Variants in VRK2 observed in about 807,000 individuals in gnomAD.
VRK2 encodes the protein VRK serine/threonine kinase 2.
Under a neutral mutation model 57.6 loss-of-function variants are expected in VRK2, and 60 were observed. The ratio of observed to expected loss-of-function variants is 1.04; its 90% CI spans 0.85 to 1.29. The LOEUF (loss-of-function observed/expected upper bound fraction) is 1.29. Among genes scored for constraint, VRK2 ranks in the 50% most tolerant of loss-of-function variants. VRK2 has a pLI of 0.00. For missense variants in VRK2, 705 were observed against 588.1 expected, an observed-to-expected ratio of 1.20 and a Z score of -2.06; for synonymous variants, 231 against 199.2, an observed-to-expected ratio of 1.16 and a Z score of -1.35.
intron 1 of VRK2, among the ~76,000 whole-genome samples, chr2:57,928,189 C>T (rs763631778): frequency 6.6e-6 from 1 of 152,066 alleles, no homozygotes; most frequent in Non-Finnish European, 1.5e-5. Context: ...ATCTGGCAAA[C>T]CTTGTAAATA....
intron 12 of VRK2, among the ~76,000 whole-genome samples, chr2:58,153,166 G>T (rs12475192): frequency 0.066 from 10,040 of 152,022 alleles, 422 homozygotes; most frequent in Non-Finnish European, 0.082. Context: ...TATGTAACTT[G>T]TTGAGAATGG....
At chr2:57,968,196 A>C (rs1036586248) in intron 1 of VRK2, among the ~76,000 whole-genome samples, 2 of 152,072 alleles carry the variant, frequency 1.3e-5, no homozygotes, top group African/African-American at 4.8e-5. Context: ...CAAACATAAA[A>C]AAATTACCTT....
chr2:58,024,503 C>A (rs1275750798), intron 1 of VRK2, among the ~76,000 whole-genome samples: 1 of 152,112 alleles, frequency 6.6e-6, no homozygotes, highest in African/African-American at 2.4e-5. Flanking sequence ...TAGTTAACAG[C>A]AGTTCATTGA....
intron 2 of VRK2, among the ~76,000 whole-genome samples, chr2:58,068,603 A>G (rs942974179): frequency 2.6e-5 from 4 of 151,968 alleles, no homozygotes; most frequent in African/African-American, 9.7e-5. Context: ...TATTTCATCA[A>G]ATGTTTTTTC....
chr2:58,131,057 T>G (rs965087141), intron 8 of VRK2, among the ~76,000 whole-genome samples: 1 of 152,058 alleles, frequency 6.6e-6, no homozygotes, highest in African/African-American at 2.4e-5. Flanking sequence ...TTAACGTACT[T>G]TTTAGGAAAA....
intron 10 of VRK2, among the ~76,000 whole-genome samples, chr2:58,136,596 G>A (rs1435313110): frequency 6.6e-6 from 1 of 151,266 alleles, no homozygotes; most frequent in Non-Finnish European, 1.5e-5. Flanking sequence ...TATTGGCCAG[G>A]CCTGGTCTCA....
intron 2 of VRK2, among the ~76,000 whole-genome samples, chr2:58,026,531 C>A (rs1673932122): frequency 6.6e-6 from 1 of 151,974 alleles, no homozygotes; most frequent in South Asian, 2.1e-4. Flanking sequence ...TGAAGCGTGT[C>A]AGTATTGGCA....
Position 58,159,447 on chromosome 2 carries a change from CTCATTTTA to C in VRK2, c.1283_1290del (p.Ser428Ter), listed in dbSNP as rs1158818736. The C allele has an allele frequency of 6.2e-7, 1 of 1,613,592 alleles. No individual in the cohort carries two copies. Among genetic ancestry groups the C allele is most frequent in the Admixed American group, 1.7e-5 (1 of 59,954 alleles). On this transcript the variant is annotated frameshift_variant, in exon 13 of 13. Transcript: ENST00000340157. LOFTEE classifies it low-confidence loss of function (END_TRUNC). Reference sequence around the variant, plus strand: ...AAATCAGCTATACACAATTCCCAAACTCATTTTATGAGCCTCATCAAGATTTTACCAGT... The same window carrying C: ...AAATCAGCTATACACAATTCCCAAACTGAGCCTCATCAAGATTTTACCAGT...
At chr2:58,011,591 C>T (rs1352552925) in intron 1 of VRK2, among the ~76,000 whole-genome samples, 1 of 152,082 alleles carries the variant, frequency 6.6e-6, no homozygotes, top group East Asian at 1.9e-4. Flanking sequence ...TTTTTTCCTT[C>T]CTAATAATAG....
At chr2:58,119,460 G>C (rs1677078315) in intron 7 of VRK2, among the ~76,000 whole-genome samples, 1 of 139,118 alleles carries the variant, frequency 7.2e-6, no homozygotes. Flanking sequence ...CTGGGTGACA[G>C]AGTGAGACTC....
chr2:57,953,843 A>G lies in VRK2; in HGVS notation c.-439+46004A>G, dbSNP rs1303185530. Among the ~76,000 whole-genome samples, 5 of 152,198 alleles carry G rather than the reference A, an allele frequency of 3.3e-5. No individual in the cohort carries two copies. In the East Asian group the frequency reaches 9.6e-4, roughly 29 times the overall value. ...AATTAAAATGAACTGATATTATTAT[A>G]TTAATCTGAATTTTTATAAGTAAAA... is the stretch of plus-strand genomic sequence containing the variant. On this transcript the variant is annotated intron_variant, in intron 1 of 15. Coordinates refer to the VRK2 transcript ENST00000417641.
chr2:57,922,584 T>C (rs1449795011), intron 1 of VRK2, among the ~76,000 whole-genome samples: 3 of 151,818 alleles, frequency 2.0e-5, no homozygotes, highest in Non-Finnish European at 4.4e-5. Flanking sequence ...TTTTCACAAT[T>C]AGTATACAAT....
At position 57,932,511 on chromosome 2, in the gene VRK2, G is replaced by T. The variant is rs192441155; in HGVS notation, c.-439+24672G>T. On this transcript the variant is annotated intron_variant, in intron 1 of 15. Transcript: ENST00000417641. The stretch of plus-strand genomic sequence containing the variant: ...ATAATCATGCGAAGGAGTTTCTTAT[G>T]ACTGAATTTCTGTGGAATCAGCTAT... Among the ~76,000 whole-genome samples, 649 of 152,120 alleles carry T rather than the reference G, an allele frequency of 4.3e-3. 7 individuals are homozygous for T. Among genetic ancestry groups the T allele is most frequent in the South Asian group, 0.018 (89 of 4,822 alleles).
intron 7 of VRK2, among the ~76,000 whole-genome samples, chr2:58,099,462 A>G (rs980589694): frequency 6.6e-6 from 1 of 152,032 alleles, no homozygotes; most frequent in Admixed American, 6.6e-5. Flanking sequence ...TCCTCGCAGC[A>G]TGTGTATTTG....
upstream of VRK2, among the ~76,000 whole-genome samples, chr2:58,043,720 G>A (rs1196410305): frequency 1.3e-5 from 2 of 152,130 alleles, no homozygotes; most frequent in Non-Finnish European, 2.9e-5. Flanking sequence ...TCTTTGTGTG[G>A]ATACAGGTTT....
At chr2:58,145,202 T>G (rs1049648865) in intron 11 of VRK2, among the ~76,000 whole-genome samples, 1 of 152,002 alleles carries the variant, frequency 6.6e-6, no homozygotes, top group Non-Finnish European at 1.5e-5. Context: ...CTGAGTCTAC[T>G]TCAAGGTTAT....
intron 10 of VRK2, among the ~76,000 whole-genome samples, chr2:58,136,924 G>GTA (rs1298633604): frequency 3.7e-4 from 43 of 117,686 alleles, no homozygotes; most frequent in East Asian, 6.7e-4. Flanking sequence ...TCATATATGT[G>GTA]TATATATCAT....
intron 1 of VRK2, among the ~76,000 whole-genome samples, chr2:57,969,189 AAG>A (rs1672015965): frequency 6.6e-6 from 1 of 152,244 alleles, no homozygotes; most frequent in East Asian, 1.9e-4. Flanking sequence ...TAAAAAGAAA[AAG>A]AGGGGATCAA....
At chr2:57,996,940 T>G (rs1341415721) in intron 1 of VRK2, among the ~76,000 whole-genome samples, 1 of 152,056 alleles carries the variant, frequency 6.6e-6, no homozygotes, top group Non-Finnish European at 1.5e-5. Flanking sequence ...TTTCCAAAAA[T>G]TTTGGAAAGA....
Sources: gnomAD v4.1 joint callset for allele counts (sites outside exome capture counted in the v4.1 genomes callset) on GRCh38, gnomAD v4.1.1 for gene constraint, MANE v1.5 for transcripts, NCBI Gene and HGNC (gene_info 2026-07-23, HGNC 2026-07-21) for gene names.